SRPK2: variants seen among roughly 807,000 people sequenced by gnomAD.
The protein encoded by SRPK2 is SFRS protein kinase 2.
Under a neutral mutation model 90.8 loss-of-function variants are expected in SRPK2, and 21 were observed. The ratio of observed to expected loss-of-function variants is 0.23; its 90% CI spans 0.16 to 0.33. The LOEUF is 0.33. Among genes scored for constraint, SRPK2 ranks in the 10% least tolerant of loss-of-function variants. The pLI is 1.00. For missense variants in SRPK2, 620 were observed against 869.0 expected, an observed-to-expected ratio of 0.71 and a Z score of 3.60; for synonymous variants, 288 against 311.1, an observed-to-expected ratio of 0.93 and a Z score of 0.78.
At chr7:105,201,181 T>C in intron 3 of SRPK2, among the ~76,000 whole-genome samples, 1 of 152,180 alleles carries the variant, frequency 6.6e-6, no homozygotes, top group Non-Finnish European at 1.5e-5. Context: ...ACTCCCTGAA[T>C]ATGTATATGT....
chr7:105,339,671 C>G (rs1380030697), intron 2 of SRPK2, among the ~76,000 whole-genome samples: 1 of 152,200 alleles, frequency 6.6e-6, no homozygotes, highest in South Asian at 2.1e-4. Context: ...AGCAAAGGTA[C>G]GTGCCTGACC....
chr7:105,123,143 A>G (rs1173762216), intron 15 of SRPK2, among the ~76,000 whole-genome samples: 1 of 152,120 alleles, frequency 6.6e-6, no homozygotes, highest in Admixed American at 6.5e-5. Flanking sequence ...GTAGTTTCTT[A>G]ATGCTTTTTG....
intron 1 of SRPK2, among the ~76,000 whole-genome samples, chr7:105,397,331 C>CT (rs1301286455): frequency 3.1e-3 from 420 of 135,006 alleles, no homozygotes; most frequent in East Asian, 5.4e-3. Flanking sequence ...GAGTGACTTT[C>CT]TTTTTTTTTT....
chr7:105,246,339 T>C (rs1801662704), intron 2 of SRPK2, among the ~76,000 whole-genome samples: 2 of 152,192 alleles, frequency 1.3e-5, no homozygotes, highest in South Asian at 4.1e-4. Flanking sequence ...GCACAGGCCA[T>C]ATGATCTATC....
chr7:105,203,548 C>T (rs538426795), intron 3 of SRPK2, 80 bp downstream of exon 3: 1 of 1,375,940 alleles, frequency 7.3e-7, no homozygotes, highest in East Asian at 2.7e-5. Context: ...CTACCTCCTC[C>T]CCTTGTCCAT....
intron 2 of SRPK2, among the ~76,000 whole-genome samples, chr7:105,229,265 C>G (rs1216628067): frequency 6.6e-6 from 1 of 152,116 alleles, no homozygotes; most frequent in Non-Finnish European, 1.5e-5. Context: ...AGATCGAGAC[C>G]ATCCTTGCTA....
intron 2 of SRPK2, among the ~76,000 whole-genome samples, chr7:105,225,892 A>C (rs765533771): frequency 1.3e-5 from 2 of 152,198 alleles, no homozygotes; most frequent in Non-Finnish European, 2.9e-5. Context: ...AAAAATAAGC[A>C]AACAAAGATT....
intron 11 of SRPK2, among the ~76,000 whole-genome samples, chr7:105,139,154 T>C (rs1232619902): frequency 6.6e-6 from 1 of 152,136 alleles, no homozygotes; most frequent in Non-Finnish European, 1.5e-5. Context: ...GATGGGGAGC[T>C]GTGGAAACTG....
At chr7:105,314,143 C>A (rs1041025990) in intron 2 of SRPK2, among the ~76,000 whole-genome samples, 7 of 151,876 alleles carry the variant, frequency 4.6e-5, no homozygotes, top group Non-Finnish European at 7.4e-5. Flanking sequence ...CCAGCCTGGC[C>A]AACATGGTGA....
At chr7:105,143,377 C>G in intron 9 of SRPK2, 47 bp from the exon 10 acceptor site, 1 of 1,583,908 alleles carries the variant, frequency 6.3e-7, no homozygotes, top group Non-Finnish European at 8.5e-7. Flanking sequence ...TTTTAAAGCA[C>G]CACGATAGTA....
intron 2 of SRPK2, among the ~76,000 whole-genome samples, chr7:105,301,309 G>A (rs867080811): frequency 1.3e-5 from 2 of 150,818 alleles, no homozygotes; most frequent in East Asian, 1.9e-4. Flanking sequence ...AAAAAGCCGC[G>A]GCTCCGGGTC....
At chr7:105,294,678 A>C (rs748196557) in intron 2 of SRPK2, among the ~76,000 whole-genome samples, 1 of 152,030 alleles carries the variant, frequency 6.6e-6, no homozygotes, top group Non-Finnish European at 1.5e-5. Context: ...GACGCGCACC[A>C]CCATGCCTGG....
At chr7:105,347,273 G>T (rs888345689) in intron 2 of SRPK2, among the ~76,000 whole-genome samples, 5 of 151,908 alleles carry the variant, frequency 3.3e-5, no homozygotes, top group African/African-American at 1.2e-4. Context: ...TGTTGCCCAG[G>T]CTGGTCTTAA....
intron 2 of SRPK2, among the ~76,000 whole-genome samples, chr7:105,358,054 T>C (rs1382942406): frequency 6.6e-6 from 1 of 151,542 alleles, no homozygotes; most frequent in African/African-American, 2.4e-5. Context: ...TAAAACCCTG[T>C]CTCTAGTAAA....
At chr7:105,226,823 C>T (rs1798770926) in intron 2 of SRPK2, among the ~76,000 whole-genome samples, 1 of 151,562 alleles carries the variant, frequency 6.6e-6, no homozygotes. Context: ...TATGGAGAAA[C>T]CCCATCTCTA....
chr7:105,125,541 T>C (rs1321621482), intron 15 of SRPK2, among the ~76,000 whole-genome samples: 2 of 152,220 alleles, frequency 1.3e-5, no homozygotes, highest in Admixed American at 1.3e-4. Flanking sequence ...ATATACAGAT[T>C]GGTAACTTGG....
At chr7:105,246,582 A>G (rs933894894) in intron 2 of SRPK2, among the ~76,000 whole-genome samples, 4 of 152,232 alleles carry the variant, frequency 2.6e-5, no homozygotes, top group African/African-American at 9.7e-5. Context: ...AGATGAGAAG[A>G]GCAACAGACC....
Position 105,142,107 on chromosome 7 carries a change from G to T in SRPK2, c.1444C>A (p.Leu482Ile). The change falls in exon 11 of 16, where the codon CTT (leucine) becomes ATT (isoleucine). Residue 482 changes from leucine (L) to isoleucine (I), a missense_variant. This residue lies in a region of SRPK2 where 243 missense variants were observed against 245.7 expected (regional missense o/e 0.99). Transcript: ENST00000393651. ...SLEPVACGSV[L>I]SEGSPLTEQE... ...TCAGTAAGTGGTGATCCCTCAGAAA[G>T]CACAGAGCCGCAGGCCACAGGTTCT... is the stretch of plus-strand genomic sequence containing the variant. 1 of 1,614,166 alleles carries T rather than the reference G, an allele frequency of 6.2e-7. No homozygotes were observed. The highest frequency in any genetic ancestry group is 8.5e-7 in the Non-Finnish European group (1 of 1,180,022).
chr7:105,249,776 T>C (rs952800431), intron 2 of SRPK2, among the ~76,000 whole-genome samples: 1 of 152,232 alleles, frequency 6.6e-6, no homozygotes, highest in Admixed American at 6.5e-5. Flanking sequence ...TGCTTTTGAA[T>C]AGCAAATAAA....
Sources: gnomAD v4.1 joint callset for allele counts (sites outside exome capture counted in the v4.1 genomes callset) on GRCh38, gnomAD v4.1.1 for gene constraint, gnomAD v4.1.1 regional missense constraint, MANE v1.5 for transcripts, NCBI Gene and HGNC (gene_info 2026-07-23, HGNC 2026-07-21) for gene names.